Variants in SEC23IP observed in about 807,000 individuals in gnomAD.
The protein encoded by SEC23IP is SEC23-interacting protein.
Under a neutral mutation model 113.4 loss-of-function variants are expected in SEC23IP, and 70 were observed. The observed-to-expected ratio is 0.62, with a 90% CI of 0.51 to 0.75. SEC23IP has a LOEUF of 0.75. SEC23IP is among the 30% of genes least tolerant of loss of function. The pLI, the probability that SEC23IP is intolerant of heterozygous loss-of-function variation, is 0.00. For missense variants in SEC23IP, 1,160 were observed against 1,204.9 expected (o/e 0.96, Z 0.55); for synonymous variants, 398 against 421.0 (o/e 0.95, Z 0.67).
intron 18 of SEC23IP, among the ~76,000 whole-genome samples, chr10:119,936,435 T>G (rs1464546930): frequency 6.7e-6 from 1 of 148,744 alleles, no homozygotes; most frequent in Non-Finnish European, 1.5e-5. Context: ...CTCACCTACT[T>G]GGGAGGCCGA....
chr10:119,902,777 TTAAC>T lies in SEC23IP; in HGVS notation c.697-20_697-17del. 6.2e-7 allele frequency: 1 copy of T among 1,607,262 alleles called. No homozygotes were observed. Among genetic ancestry groups the T allele is most frequent in the Middle Eastern group, 1.7e-4 (1 of 5,884 alleles). ...ATTCTTTTGGACAAGCATGACAGTCTTAACTTTGCCGTCCCCTCCAGGTTCCTTC... is the reference window on the plus strand; with the variant it reads ...ATTCTTTTGGACAAGCATGACAGTCTTTTGCCGTCCCCTCCAGGTTCCTTC... On this transcript the variant is annotated intron_variant, in intron 2 of 18. Coordinates refer to ENST00000369075, the MANE Select transcript of SEC23IP (RefSeq NM_007190.4).
Position 119,902,789 on chromosome 10 carries a change from T to G in SEC23IP, c.697-10T>G. On this transcript the variant is annotated splice_polypyrimidine_tract_variant and intron_variant, in intron 2 of 18. Transcript: ENST00000369075. ...AAGCATGACAGTCTTAACTTTGCCG[T>G]CCCCTCCAGGTTCCTTCTTCAGTGC... 2 of 1,611,968 alleles carry G rather than the reference T, an allele frequency of 1.2e-6. No homozygotes were observed. Among genetic ancestry groups the G allele is most frequent in the Non-Finnish European group, 1.7e-6 (2 of 1,179,130 alleles).
chr10:119,937,217 A>C (rs2134541834), intron 18 of SEC23IP, among the ~76,000 whole-genome samples: 1 of 152,286 alleles, frequency 6.6e-6, no homozygotes. Flanking sequence ...ATGATACTTA[A>C]GGATATTAAC....
At chr10:119,920,591 T>G (rs1043909060) in intron 11 of SEC23IP, among the ~76,000 whole-genome samples, 1 of 152,232 alleles carries the variant, frequency 6.6e-6, no homozygotes, top group Non-Finnish European at 1.5e-5. Context: ...GAGAGGAGAA[T>G]TCTATGTTTG....
At chr10:119,910,629 G>A (rs2134476726) in intron 5 of SEC23IP, among the ~76,000 whole-genome samples, 2 of 152,162 alleles carry the variant, frequency 1.3e-5, no homozygotes, top group South Asian at 4.1e-4. Flanking sequence ...AAAAATAAAA[G>A]CCTCCTATCT....
Position 119,935,729 on chromosome 10 carries a change from A to G in SEC23IP, c.*20+1942A>G, listed in dbSNP as rs550491426. On this transcript the variant is annotated intron_variant, in intron 18 of 18. Coordinates refer to ENST00000369075, the MANE Select transcript of SEC23IP (RefSeq NM_007190.4). ...GACAGCACGTGGACAGTTGAAATGA[A>G]CCACATGGTAAAGACTGAGCAGCTG... is the stretch of plus-strand genomic sequence containing the variant. Among the ~76,000 whole-genome samples the G allele has an allele frequency of 6.6e-5, 10 of 152,296 alleles. No homozygotes were observed. In the South Asian group the frequency reaches 1.9e-3, roughly 28 times the overall value.
At chr10:119,916,773 A>C (rs925028525) in intron 8 of SEC23IP, among the ~76,000 whole-genome samples, 7 of 152,220 alleles carry the variant, frequency 4.6e-5, no homozygotes, top group African/African-American at 1.7e-4. Context: ...CTTTAAAAAT[A>C]AAATAGAAAT....
At chr10:119,925,381 C>T (rs780287742) in intron 12 of SEC23IP, among the ~76,000 whole-genome samples, 2 of 152,218 alleles carry the variant, frequency 1.3e-5, no homozygotes, top group South Asian at 2.1e-4. Context: ...TTTTGAGATT[C>T]GTCTAATGAG....
intron 5 of SEC23IP, 135 bp from the exon 6 acceptor site, chr10:119,911,909 T>C (rs1394673444): frequency 2.9e-6 from 3 of 1,040,846 alleles, no homozygotes; most frequent in Non-Finnish European, 4.1e-6. Flanking sequence ...TCAAAGTTTG[T>C]TTTGGGGGAA....
intron 6 of SEC23IP, 102 bp downstream of exon 6, chr10:119,912,266 C>G (rs757830868): frequency 8.2e-7 from 1 of 1,216,680 alleles, no homozygotes; most frequent in Middle Eastern, 2.0e-4. Context: ...GAATGCCCTG[C>G]CACAGCAGCC....
chr10:119,911,512 G>C (rs1854862791), intron 5 of SEC23IP, among the ~76,000 whole-genome samples: 1 of 151,896 alleles, frequency 6.6e-6, no homozygotes, highest in Non-Finnish European at 1.5e-5. Flanking sequence ...ATTTTGCTCT[G>C]TTGCCCAGGC....
At chr10:119,900,416 C>T (rs1047620015) in intron 2 of SEC23IP, among the ~76,000 whole-genome samples, 1 of 151,500 alleles carries the variant, frequency 6.6e-6, no homozygotes, top group African/African-American at 2.4e-5. Context: ...TTCAAGTGAT[C>T]CCCCTACCTC....
Position 119,892,775 on chromosome 10 carries a change from C to T in SEC23IP, c.-8C>T, listed in dbSNP as rs769266284. On this transcript the variant is annotated 5_prime_UTR_variant, in exon 1 of 19. Transcript: ENST00000369075. The stretch of plus-strand genomic sequence containing the variant: ...CCGGAGACGTGTATCGGACGGTGGG[C>T]CGCAGCCATGGCCGAGAGAAAACCT... The T allele has an allele frequency of 4.4e-6, 7 of 1,601,830 alleles. No homozygotes were observed. The highest frequency in any genetic ancestry group is 6.0e-6 in the Non-Finnish European group (7 of 1,173,838).
chr10:119,915,989 T>A, intron 8 of SEC23IP, 100 bp downstream of exon 8: 1 of 1,036,004 alleles, frequency 9.7e-7, no homozygotes, highest in Non-Finnish European at 1.3e-6. Flanking sequence ...AATCAATATG[T>A]TTTTAAAAAT....
rs201076737 is a variant in SEC23IP at position 119,910,609 on chromosome 10, A to T, written c.1192-1435A>T. Reference sequence around the variant, plus strand: ...AACAAAATGTAAACAGTTTAAAAGGATATTAAATGAAAAATAAAAGCCTCC... The same window carrying T: ...AACAAAATGTAAACAGTTTAAAAGGTTATTAAATGAAAAATAAAAGCCTCC... On this transcript the variant is annotated intron_variant, in intron 5 of 18. Transcript: ENST00000369075. Among the ~76,000 whole-genome samples the T allele has an allele frequency of 1.2e-4, 19 of 152,360 alleles. No homozygotes were observed. The East Asian group carries it at 2.3e-3, about 19-fold the overall frequency.
At chr10:119,915,010 A>G (rs910504762) in intron 7 of SEC23IP, among the ~76,000 whole-genome samples, 191 bp downstream of exon 7, 12 of 152,228 alleles carry the variant, frequency 7.9e-5, no homozygotes, top group Admixed American at 2.0e-4. Flanking sequence ...GACGCATACA[A>G]TCCCAGACTG....
chr10:119,931,025 T>A (rs1855579555), intron 15 of SEC23IP, among the ~76,000 whole-genome samples: 1 of 152,186 alleles, frequency 6.6e-6, no homozygotes, highest in Admixed American at 6.5e-5. Flanking sequence ...ACATGCTTTT[T>A]AAAAATATTG....
Position 119,892,939 on chromosome 10 carries a change from C to T in SEC23IP, c.157C>T (p.Pro53Ser). The T allele has an allele frequency of 1.2e-6, 2 of 1,612,060 alleles. No individual in the cohort carries two copies. The highest frequency in any genetic ancestry group is 2.2e-5 in the East Asian group (1 of 44,746). ...ASASPASLLL[P>S]GEDSTDVGEE... ...CGCTTCTCCGGCCTCCCTGCTCTTA[C>T]CGGGAGGTAATAAGGGGAGGGCGGC... Residue 53 changes from proline (P) to serine (S), a missense_variant, in exon 1 of 19, where the codon CCG becomes TCG. By Grantham distance (74) the Pro-to-Ser change is moderately conservative. Coordinates refer to ENST00000369075, the MANE Select transcript of SEC23IP (RefSeq NM_007190.4).
chr10:119,919,331 A>G, intron 10 of SEC23IP, 113 bp from the exon 11 acceptor site: 1 of 1,015,190 alleles, frequency 9.9e-7, no homozygotes. Context: ...TACTGTGCCT[A>G]AAATTATGAT....
Sources: allele counts gnomAD v4.1 joint callset (sites outside exome capture counted in the v4.1 genomes callset), GRCh38; gene constraint gnomAD v4.1.1; transcripts MANE v1.5; gene names NCBI Gene and HGNC (gene_info 2026-07-23, HGNC 2026-07-21).